BBOF1: variants seen among roughly 807,000 people sequenced by gnomAD.
The protein encoded by BBOF1 is basal body-orientation factor 1.
Under a neutral mutation model 68.0 loss-of-function variants are expected in BBOF1, and 62 were observed. The observed-to-expected ratio is 0.91, with a 90% CI of 0.74 to 1.13. The LOEUF (loss-of-function observed/expected upper bound fraction) is 1.13, where lower values mean the gene tolerates loss of function less well. BBOF1 is among the 50% of genes most tolerant of loss of function. BBOF1 has a pLI of 0.00. For missense variants in BBOF1, 534 were observed against 600.1 expected, an observed-to-expected ratio of 0.89 and a Z score of 1.15; for synonymous variants, 208 against 198.8, an observed-to-expected ratio of 1.05 and a Z score of -0.39.
chr14:74,074,970 G>T (rs1362488932), intron 9 of BBOF1: 4 of 1,614,036 alleles, frequency 2.5e-6, no homozygotes, highest in Non-Finnish European at 3.4e-6. Flanking sequence ...AAGAAGAGAA[G>T]GAAGATGCTG....
Position 74,050,154 on chromosome 14 carries a change from C to T in BBOF1, c.1245C>T (p.Ser415=). The change falls in exon 8 of 12, where the codon AGC becomes AGT. Residue 415 remains serine (S), a synonymous_variant. Transcript: ENST00000394009. The part of the protein sequence containing the change: ...KIRTFDGREH[S]TNSVNQDLLE... ...GAACATTTGATGGCAGAGAGCACAG[C>T]ACCAATAGTGTGAATCAGGATCTTC... 1 of 1,584,706 alleles carries T rather than the reference C, an allele frequency of 6.3e-7. No individual in the cohort carries two copies. The highest frequency in any genetic ancestry group is 1.3e-5 in the African/African-American group (1 of 74,194).
chr14:74,065,470 T>C lies in BBOF1; in HGVS notation c.*771T>C, dbSNP rs2060446924. The C allele has an allele frequency of 1.2e-5, 12 of 978,936 alleles. 1 individual carries two copies. The highest frequency in any genetic ancestry group is 1.1e-4 in the South Asian group (8 of 71,814). 60.6% of individuals were successfully genotyped at this position (978,936 alleles called of 1,614,324 possible). On this transcript the variant is annotated 3_prime_UTR_variant, in exon 12 of 12. Coordinates refer to ENST00000394009, the MANE Select transcript of BBOF1 (RefSeq NM_025057.3). Reference sequence around the variant, plus strand: ...ACATCATTTACGTGGACAACTTTCATATTACTAATCTCTTTTCATTTCAAA... The same window carrying C: ...ACATCATTTACGTGGACAACTTTCACATTACTAATCTCTTTTCATTTCAAA...
At chr14:74,022,268 C>G (rs900864923) in intron 1 of BBOF1, among the ~76,000 whole-genome samples, 1 of 151,886 alleles carries the variant, frequency 6.6e-6, no homozygotes, top group African/African-American at 2.4e-5. Flanking sequence ...TAAAAACTGC[C>G]CAAGCGCAGT....
Position 74,040,592 on chromosome 14 carries a change from C to CG in BBOF1, c.525dup (p.Ile176AspfsTer7). 3 of 1,592,006 alleles carry CG rather than the reference C, an allele frequency of 1.9e-6. No individual in the cohort carries two copies. Among genetic ancestry groups the CG allele is most frequent in the Non-Finnish European group, 2.6e-6 (3 of 1,171,112 alleles). On this transcript the variant is annotated frameshift_variant, in exon 5 of 12. Transcript: ENST00000394009. LOFTEE classifies it high-confidence loss of function. The stretch of plus-strand genomic sequence containing the variant: ...GAAAGAGAATTTAAGAAACACAGAG[C>CG]GGATACATCAGGAGACTCTTAGAAG...
intron 3 of BBOF1, among the ~76,000 whole-genome samples, chr14:74,030,179 G>A (rs2059532837): frequency 6.6e-6 from 1 of 151,898 alleles, no homozygotes; most frequent in South Asian, 2.1e-4. Flanking sequence ...TTTTGCTTTT[G>A]ATTTTTAGAG....
intron 9 of BBOF1, chr14:74,071,428 T>A (rs759406732): frequency 6.2e-7 from 1 of 1,614,132 alleles, no homozygotes; most frequent in Non-Finnish European, 8.5e-7. Context: ...AAGGTCCATG[T>A]CTTTGGTGAT....
intron 3 of BBOF1, among the ~76,000 whole-genome samples, chr14:74,033,655 T>C (rs1350890931): frequency 6.6e-6 from 1 of 151,882 alleles, no homozygotes; most frequent in Non-Finnish European, 1.5e-5. Context: ...GGTGAGTGGA[T>C]CACGAGGTCA....
intron 11 of BBOF1, among the ~76,000 whole-genome samples, chr14:74,064,297 C>CAAAA (rs368051564): frequency 7.9e-6 from 1 of 127,048 alleles, no homozygotes; most frequent in Non-Finnish European, 1.7e-5. Context: ...GACTGTGTCT[C>CAAAA]AAAAAAAAAA....
downstream of BBOF1, chr14:74,071,018 C>A: frequency 2.9e-6 from 2 of 682,482 alleles, no homozygotes; most frequent in East Asian, 2.6e-5. Flanking sequence ...CTGCTATTCC[C>A]CAATCAGTTA....
chr14:74,022,921 T>A lies in BBOF1; in HGVS notation c.62T>A (p.Leu21Ter). 1.2e-6 allele frequency: 2 copies of A among 1,600,890 alleles called. No individual in the cohort carries two copies. Among genetic ancestry groups the A allele is most frequent in the Non-Finnish European group, 1.7e-6 (2 of 1,171,638 alleles). The change falls in exon 2 of 12, where the codon TTA becomes TAA. Residue 21 changes from leucine to a stop codon, truncating the protein, a stop_gained. Transcript: ENST00000394009. LOFTEE classifies it high-confidence loss of function. ...GKSKGKDTKK[L>*]IKTDESVVDR... ...AATATCCTCTTCCCATGCAGGAAGT[T>A]AATAAAAACAGATGAATCTGTGGTG...
chr14:74,036,539 T>TC (rs1381809368), intron 4 of BBOF1, among the ~76,000 whole-genome samples: 3 of 151,824 alleles, frequency 2.0e-5, no homozygotes, highest in African/African-American at 7.3e-5. Context: ...CAAAAATTAG[T>TC]CGGGCATGGT....
At chr14:74,027,385 C>CTTTTTTT (rs35107293) in intron 2 of BBOF1, among the ~76,000 whole-genome samples, 4 of 61,070 alleles carry the variant, frequency 6.5e-5, no homozygotes, top group African/African-American at 2.2e-4. Context: ...CCTCGCCCAG[C>CTTTTTTT]TTTTTTTTTT....
At position 74,065,286 on chromosome 14, in the gene BBOF1, T is replaced by G; in HGVS notation, c.*587T>G. Reference sequence around the variant, plus strand: ...GGTTGTTATTTACAATCTGGATGGCTTCATCCAATGTTTCTGTCTCCAGAA... The same window carrying G: ...GGTTGTTATTTACAATCTGGATGGCGTCATCCAATGTTTCTGTCTCCAGAA... On this transcript the variant is annotated 3_prime_UTR_variant, in exon 12 of 12. Coordinates refer to ENST00000394009, the MANE Select transcript of BBOF1 (RefSeq NM_025057.3). 1 of 1,614,066 alleles carries G rather than the reference T, an allele frequency of 6.2e-7. No individual in the cohort carries two copies. The highest frequency in any genetic ancestry group is 2.2e-5 in the East Asian group (1 of 44,874).
chr14:74,070,473 C>T (rs1342900508), downstream of BBOF1, among the ~76,000 whole-genome samples: 2 of 151,980 alleles, frequency 1.3e-5, no homozygotes, highest in African/African-American at 2.4e-5. Context: ...GAGCCGAGAT[C>T]GCACCACTGC....
At chr14:74,078,050 G>A in intron 9 of BBOF1, 1 of 373,328 alleles carries the variant, frequency 2.7e-6, no homozygotes, top group Admixed American at 3.3e-5. Context: ...CCAGCTTGGG[G>A]AACATAACGA....
At chr14:74,066,657 C>T, downstream of BBOF1, 1 of 1,536,860 alleles carries the variant, frequency 6.5e-7, no homozygotes, top group Non-Finnish European at 9.0e-7. Flanking sequence ...ATTCTATAGC[C>T]TTTAAGGTGC....
chr14:74,082,393 G>GTT (rs869211328), intron 12 of BBOF1, among the ~76,000 whole-genome samples: 2,003 of 77,566 alleles, frequency 0.026, 432 homozygotes, highest in African/African-American at 0.091. Flanking sequence ...CAAAATCGAG[G>GTT]TTTTTTTTTT....
exon 10 of BBOF1, chr14:74,078,312 G>T (rs780708235): frequency 1.3e-5 from 6 of 454,468 alleles, no homozygotes; most frequent in South Asian, 7.8e-5. Context: ...AAGTGACCGA[G>T]ACAGTGGTGC....
At chr14:74,075,844 TG>T (rs1174717950) in intron 9 of BBOF1, among the ~76,000 whole-genome samples, 1 of 152,082 alleles carries the variant, frequency 6.6e-6, no homozygotes, top group African/African-American at 2.4e-5. Context: ...TACCATTGGA[TG>T]GGTGAATAAG....
Sources: allele counts gnomAD v4.1 joint callset (sites outside exome capture counted in the v4.1 genomes callset), GRCh38; gene constraint gnomAD v4.1.1; transcripts MANE v1.5; gene names NCBI Gene and HGNC (gene_info 2026-07-23, HGNC 2026-07-21).